The following CGAS variants were observed in gnomAD, a reference collection of about 807,000 sequenced individuals.
CGAS encodes cyclic GMP-AMP synthase.
A neutral mutation model predicts 34.0 loss-of-function variants in CGAS; 31 were observed. That is an observed-to-expected ratio of 0.91 (90% confidence interval 0.69 to 1.23). The LOEUF (loss-of-function observed/expected upper bound fraction) is 1.23. Ranked by LOEUF, CGAS falls within the 50% of genes most tolerant of loss-of-function variation. The pLI is 0.00. For synonymous variants in CGAS, 266 were observed against 260.0 expected (o/e 1.02, Z -0.22); for missense variants, 597 against 657.6 (o/e 0.91, Z 1.01).
chr6:73,430,489 A>G (rs1224563362), intron 3 of CGAS, among the ~76,000 whole-genome samples: 5 of 152,088 alleles, frequency 3.3e-5, no homozygotes, highest in Non-Finnish European at 5.9e-5. Context: ...GTGTGCCTAC[A>G]CATACCACAT....
At chr6:73,440,575 C>T in intron 2 of CGAS, 130 bp from the exon 3 acceptor site, 1 of 835,562 alleles carries the variant, frequency 1.2e-6, no homozygotes, top group Non-Finnish European at 1.8e-6. Context: ...AGTGGTAAAA[C>T]AGAAACTGGC....
chr6:73,438,421 G>C, intron 3 of CGAS, among the ~76,000 whole-genome samples: 1 of 152,214 alleles, frequency 6.6e-6, no homozygotes, highest in Non-Finnish European at 1.5e-5. Context: ...ACCATGGCTA[G>C]ATGCAGTGGC....
At chr6:73,429,188 C>CAA (rs1178080880) in intron 3 of CGAS, among the ~76,000 whole-genome samples, 913 of 90,912 alleles carry the variant, frequency 0.01, 11 homozygotes, top group African/African-American at 0.035. Context: ...AAAACTCCAT[C>CAA]AAAAAAAAAA....
chr6:73,445,417 T>C, intron 2 of CGAS, 111 bp downstream of exon 2: 2 of 627,150 alleles, frequency 3.2e-6, no homozygotes, highest in East Asian at 2.9e-5. Flanking sequence ...TTGACCTCTC[T>C]ACTGCACTTT....
chr6:73,447,034 C>T (rs559469786), intron 1 of CGAS, among the ~76,000 whole-genome samples: 13 of 152,218 alleles, frequency 8.5e-5, no homozygotes, highest in Non-Finnish European at 1.6e-4. Context: ...CCAGCCTGGG[C>T]GACAGTGCGA....
At position 73,452,119 on chromosome 6, in the gene CGAS, C is replaced by T. The variant is rs1182428391; in HGVS notation, c.63G>A (p.Lys21=). The T allele has an allele frequency of 1.9e-6, 3 of 1,604,886 alleles. No homozygotes were observed. The Admixed American group carries it at 5.1e-5, about 27-fold the overall frequency. ...CGCCCCTGGCATTCCGTGCGGAAGC[C>T]TTGGGGGCAGTGGCTCCGGCCTCGG... The part of the protein sequence containing the change: ...RASEAGATAP[K]ASARNARGAP... The change falls in exon 1 of 5, where the codon AAG becomes AAA. Residue 21 remains lysine, a synonymous_variant. Transcript: ENST00000370315.
rs767651417 is a variant in CGAS at position 73,425,340 on chromosome 6, G to C, written c.1456C>G (p.Pro486Ala). The C allele has an allele frequency of 5.0e-6, 8 of 1,611,090 alleles. No individual in the cohort carries two copies. The highest frequency in any genetic ancestry group is 6.8e-6 in the Non-Finnish European group (8 of 1,179,316). Reference protein sequence around the residue: ...RTEKLENYFIPEFNLFSSNLI... With the variant: ...RTEKLENYFIAEFNLFSSNLI... ...TTGCTAGAGAATAGATTGAATTCAG[G>C]AATAAAATAATTCTCAAGTTTTTCT... Residue 486 changes from proline to alanine, a missense_variant, in exon 5 of 5, where the codon CCT becomes GCT. Pro to Ala is a conservative substitution (Grantham distance 27). Coordinates refer to ENST00000370315, the MANE Select transcript of CGAS (RefSeq NM_138441.3).
intron 1 of CGAS, among the ~76,000 whole-genome samples, chr6:73,449,379 G>T (rs1363648531): frequency 6.6e-6 from 1 of 151,856 alleles, no homozygotes; most frequent in East Asian, 1.9e-4. Flanking sequence ...GGAGGCTGAG[G>T]CAGGAGAATG....
intron 3 of CGAS, among the ~76,000 whole-genome samples, chr6:73,434,198 A>G (rs1319236547): frequency 6.6e-6 from 1 of 152,228 alleles, no homozygotes; most frequent in Non-Finnish European, 1.5e-5. Flanking sequence ...AGGGTTTCAC[A>G]TCTGAGAATT....
intron 4 of CGAS, among the ~76,000 whole-genome samples, chr6:73,426,634 C>G (rs2150808490): frequency 6.6e-6 from 1 of 151,496 alleles, no homozygotes; most frequent in East Asian, 1.9e-4. Context: ...TCAAGCGATC[C>G]AAAATCTTGT....
At position 73,425,361 on chromosome 6, in the gene CGAS, T is replaced by C; in HGVS notation, c.1435A>G (p.Lys479Glu). ...TCAGGAATAAAATAATTCTCAAGTT[T>C]TTCTGTCCTGAGGCACTGAAGAAAG... ...TYFLQCLRTE[K>E]LENYFIPEFN... Residue 479 changes from lysine (K) to glutamate (E), a missense_variant, in exon 5 of 5, where the codon AAA becomes GAA. This residue lies in a region of CGAS where 271 missense variants were observed against 324.1 expected (regional missense o/e 0.84). Transcript: ENST00000370315. 6.2e-7 allele frequency: 1 copy of C among 1,612,208 alleles called. No individual in the cohort carries two copies. Among genetic ancestry groups the C allele is most frequent in the South Asian group, 1.1e-5 (1 of 90,524 alleles).
At chr6:73,448,977 T>C (rs1451895131) in intron 1 of CGAS, among the ~76,000 whole-genome samples, 1 of 151,582 alleles carries the variant, frequency 6.6e-6, no homozygotes, top group African/African-American at 2.4e-5. Flanking sequence ...TAATCCCAGT[T>C]ACTCTGGAGG....
intron 1 of CGAS, among the ~76,000 whole-genome samples, chr6:73,446,734 C>CAA (rs1195262271): frequency 0.012 from 6 of 500 alleles, 2 homozygotes; most frequent in Non-Finnish European, 0.016. Flanking sequence ...GACTCCGTCT[C>CAA]AAAAAAAAAA....
chr6:73,444,300 A>ATTTT (rs1562294132), intron 2 of CGAS, among the ~76,000 whole-genome samples: 1 of 141,364 alleles, frequency 7.1e-6, no homozygotes, highest in Admixed American at 7.3e-5. Flanking sequence ...ATTTTAATTT[A>ATTTT]ATTTAATTTA....
intron 1 of CGAS, among the ~76,000 whole-genome samples, chr6:73,449,476 AACACAC>A (rs144519687): frequency 2.2e-4 from 31 of 142,900 alleles, no homozygotes; most frequent in East Asian, 8.7e-4. Flanking sequence ...CTCTGTCTCA[AACACAC>A]ACACACACAC....
intron 3 of CGAS, among the ~76,000 whole-genome samples, chr6:73,430,053 A>T (rs1470351196): frequency 6.6e-6 from 1 of 152,150 alleles, no homozygotes; most frequent in Non-Finnish European, 1.5e-5. Context: ...ATAGTCGTTC[A>T]TCATTAAAAA....
At chr6:73,428,603 C>A in intron 4 of CGAS, 106 bp downstream of exon 4, 2 of 960,098 alleles carry the variant, frequency 2.1e-6, no homozygotes, top group Non-Finnish European at 3.1e-6. Flanking sequence ...TCCTGCCCTG[C>A]CCCCCAGACC....
intron 1 of CGAS, among the ~76,000 whole-genome samples, chr6:73,446,443 G>GCCCTTTC (rs150554010): frequency 1.7e-5 from 1 of 57,812 alleles, no homozygotes; most frequent in Admixed American, 1.8e-4. Context: ...AAAAAAAATC[G>GCCCTTTC]GGCCGGGCGC....
chr6:73,432,544 A>G (rs890996302), intron 3 of CGAS, among the ~76,000 whole-genome samples: 7 of 151,916 alleles, frequency 4.6e-5, no homozygotes, highest in African/African-American at 1.4e-4. Context: ...AGAAGCCTCA[A>G]CCTCCTAGAC....
Sources: gnomAD v4.1 joint callset for allele counts (sites outside exome capture counted in the v4.1 genomes callset) on GRCh38, gnomAD v4.1.1 for gene constraint, gnomAD v4.1.1 regional missense constraint, MANE v1.5 for transcripts, NCBI Gene and HGNC (gene_info 2026-07-23, HGNC 2026-07-21) for gene names.